The following ASH1L variants were observed in gnomAD, a reference collection of about 807,000 sequenced individuals.
ASH1L encodes the protein ASH1 like histone lysine methyltransferase.
ASH1L carries 23 observed loss-of-function variants against 269.0 expected under a neutral mutation model. The ratio of observed to expected loss-of-function variants is 0.09; its 90% confidence interval spans 0.06 to 0.12. The LOEUF is 0.12. Among genes scored for constraint, ASH1L ranks in the 10% least tolerant of loss-of-function variants. The probability of loss-of-function intolerance (pLI) is 1.00; values close to 1 mark genes in which losing one functional copy is unlikely to be tolerated. For synonymous variants in ASH1L, 1,187 were observed against 1,253.5 expected (o/e 0.95, Z 1.12); for missense variants, 2,912 against 3,567.8 (o/e 0.82, Z 4.68).
At chr1:155,512,366 G>A (rs1193325180) in intron 2 of ASH1L, among the ~76,000 whole-genome samples, 1 of 150,790 alleles carries the variant, frequency 6.6e-6, no homozygotes, top group Non-Finnish European at 1.5e-5. Context: ...GCAGTAAGCC[G>A]AGATCACGCC....
intron 3 of ASH1L, among the ~76,000 whole-genome samples, chr1:155,462,370 T>C (rs1355332489): frequency 6.6e-6 from 1 of 152,208 alleles, no homozygotes; most frequent in East Asian, 1.9e-4. Flanking sequence ...CTTGGTCATC[T>C]TCAAGAAAGT....
intron 3 of ASH1L, among the ~76,000 whole-genome samples, chr1:155,466,545 T>G (rs1257019344): frequency 6.6e-6 from 1 of 152,192 alleles, no homozygotes; most frequent in Non-Finnish European, 1.5e-5. Context: ...AGGCATATCT[T>G]TTTTCTATCA....
chr1:155,394,802 C>T, intron 7 of ASH1L, among the ~76,000 whole-genome samples: 1 of 152,114 alleles, frequency 6.6e-6, no homozygotes, highest in East Asian at 1.9e-4. Context: ...AGCAGTGGGG[C>T]TTCTTACTCT....
chr1:155,482,139 G>A lies in ASH1L; in HGVS notation c.731C>T (p.Thr244Ile). 2 of 1,614,150 alleles carry A rather than the reference G, an allele frequency of 1.2e-6. No homozygotes were observed. The highest frequency in any genetic ancestry group is 1.7e-6 in the Non-Finnish European group (2 of 1,180,024). Residue 244 changes from threonine (T) to isoleucine (I), a missense_variant, in exon 3 of 28, where the codon ACT becomes ATT. Thr to Ile is a moderately conservative substitution (Grantham distance 89). Around this residue, in one of 13 missense-constraint regions of ASH1L, gnomAD observed 277 missense variants for 367.7 expected, o/e 0.75. Transcript: ENST00000392403. ...ATCCTTGCTAACCAATCCTGCTGTA[G>A]TGCCAGTTCCTAACTTCTTCGGTTT... ...KTKPKKLGTG[T>I]TAGLVSKDLI...
At chr1:155,376,983 C>T (rs1656515764) in intron 10 of ASH1L, among the ~76,000 whole-genome samples, 2 of 151,832 alleles carry the variant, frequency 1.3e-5, no homozygotes, top group South Asian at 4.2e-4. Flanking sequence ...CCTTGGCTCA[C>T]TGCAACCTCT....
chr1:155,523,470 C>A (rs935144307), intron 1 of ASH1L, among the ~76,000 whole-genome samples: 3 of 152,154 alleles, frequency 2.0e-5, no homozygotes, highest in Non-Finnish European at 2.9e-5. Context: ...CCAACCTGGG[C>A]AACAGGGCAA....
At chr1:155,378,741 AG>A in intron 8 of ASH1L, among the ~76,000 whole-genome samples, 193 bp from the exon 9 acceptor site, 1 of 152,212 alleles carries the variant, frequency 6.6e-6, no homozygotes, top group Non-Finnish European at 1.5e-5. Context: ...AAAAGGTGAG[AG>A]AATAAGATTC....
chr1:155,563,100 C>A, upstream of ASH1L: 1 of 457,290 alleles, frequency 2.2e-6, no homozygotes, highest in South Asian at 1.5e-5. Flanking sequence ...CGCAGCGCTG[C>A]GGCTCGCCTC....
intron 17 of ASH1L, among the ~76,000 whole-genome samples, chr1:155,350,737 A>G (rs1653823666): frequency 6.6e-6 from 1 of 151,926 alleles, no homozygotes; most frequent in East Asian, 1.9e-4. Flanking sequence ...CCTGGCTAAC[A>G]TGGGGAAACT....
chr1:155,341,468 G>T (rs963508938), intron 25 of ASH1L, among the ~76,000 whole-genome samples: 24 of 152,128 alleles, frequency 1.6e-4, no homozygotes, highest in African/African-American at 5.8e-4. Flanking sequence ...GAGCCACCGC[G>T]CCTGGCTCAC....
chr1:155,384,978 G>A (rs956384066), intron 7 of ASH1L, among the ~76,000 whole-genome samples: 1 of 151,556 alleles, frequency 6.6e-6, no homozygotes, highest in Non-Finnish European at 1.5e-5. Context: ...TGTTGTATAC[G>A]CTGAGTAATA....
chr1:155,443,189 T>C (rs1662739556), intron 4 of ASH1L, among the ~76,000 whole-genome samples: 1 of 152,200 alleles, frequency 6.6e-6, no homozygotes, highest in Admixed American at 6.5e-5. Context: ...CTCTATCCCT[T>C]CATCAACTAC....
At chr1:155,349,495 T>G in intron 18 of ASH1L, 36 bp from the exon 19 acceptor site, 1 of 1,614,100 alleles carries the variant, frequency 6.2e-7, no homozygotes. Context: ...TCTGGCACAC[T>G]TAGCACTTTT....
intron 1 of ASH1L, among the ~76,000 whole-genome samples, chr1:155,544,365 C>A (rs1670648867): frequency 6.6e-6 from 1 of 151,632 alleles, no homozygotes; most frequent in Non-Finnish European, 1.5e-5. Flanking sequence ...CGGCTCACTG[C>A]AAGCTCTGCC....
intron 6 of ASH1L, among the ~76,000 whole-genome samples, chr1:155,401,210 C>T (rs1246761790): frequency 1.3e-5 from 2 of 151,826 alleles, no homozygotes; most frequent in Non-Finnish European, 2.9e-5. Context: ...GGCATGGTGG[C>T]TCACACCTGT....
rs766877793 is a variant in ASH1L, at chr1:155,479,281, T to C, written c.3589A>G (p.Ile1197Val). ...GTTCCAATTCCACTATCACTGGGAA[T>C]GGTCTCATCACTATGAGACTCACTG... ...PISESHSDET[I>V]PSDSGIGTDN... The change falls in exon 3 of 28, where the codon ATT (isoleucine) becomes GTT (valine). Residue 1197 changes from isoleucine (I) to valine (V), a missense_variant. Around this residue, in one of 13 missense-constraint regions of ASH1L, gnomAD observed 157 missense variants for 154.6 expected, o/e 1.02. Transcript: ENST00000392403. 10 of 1,614,116 alleles carry C rather than the reference T, an allele frequency of 6.2e-6. No individual in the cohort carries two copies. Among genetic ancestry groups the C allele is most frequent in the East Asian group, 4.5e-5 (2 of 44,884 alleles).
intron 6 of ASH1L, among the ~76,000 whole-genome samples, chr1:155,409,707 C>A (rs1261352394): frequency 6.6e-6 from 1 of 152,044 alleles, no homozygotes; most frequent in African/African-American, 2.4e-5. Flanking sequence ...CTCAAGTGAT[C>A]CTCCAGCCTC....
rs774992111 is a variant in ASH1L, at chr1:155,335,582, A to G, written c.*2078T>C. ...TCTTTTTATTTCGTTATTATAAAAT[A>G]ACTGAAAAATAAAAAAAGGCATTAA... On this transcript the variant is annotated 3_prime_UTR_variant, in exon 28 of 28. Coordinates refer to ENST00000392403, the MANE Select transcript of ASH1L (RefSeq NM_018489.3). 1.3e-5 allele frequency: 2 copies of G among 152,764 alleles called. No homozygotes were observed. The highest frequency in any genetic ancestry group is 2.9e-5 in the Non-Finnish European group (2 of 68,036). The allele number at this position is 152,764 out of a possible 1,614,324, so 9.5% of individuals were successfully genotyped here.
intron 13 of ASH1L, among the ~76,000 whole-genome samples, chr1:155,358,094 C>G (rs1054999630): frequency 1.8e-4 from 27 of 152,112 alleles, no homozygotes; most frequent in African/African-American, 6.0e-4. Flanking sequence ...TTTTAGCTTG[C>G]AGTCTCATTT....
Sources: allele counts gnomAD v4.1 joint callset (sites outside exome capture counted in the v4.1 genomes callset), GRCh38; gene constraint gnomAD v4.1.1; regional missense constraint gnomAD v4.1.1; transcripts MANE v1.5; gene names NCBI Gene and HGNC (gene_info 2026-07-23, HGNC 2026-07-21).